The following APLF variants were observed in gnomAD, a reference collection of about 807,000 sequenced individuals.
APLF encodes aprataxin and PNK-like factor.
A neutral mutation model predicts 55.6 loss-of-function variants in APLF; 61 were observed. The observed-to-expected ratio is 1.10, with a 90% CI of 0.89 to 1.36. APLF has a LOEUF of 1.36. APLF is among the 40% of genes most tolerant of loss of function. The probability of loss-of-function intolerance (pLI) is 0.00; values close to 1 mark genes in which losing one functional copy is unlikely to be tolerated. For synonymous variants in APLF, 207 were observed against 214.8 expected (o/e 0.96, Z 0.32); for missense variants, 611 against 602.5 (o/e 1.01, Z -0.15).
chr2:68,497,877 TAAA>T (rs1401769886), intron 2 of APLF, among the ~76,000 whole-genome samples: 1 of 151,958 alleles, frequency 6.6e-6, no homozygotes, highest in Non-Finnish European at 1.5e-5. Flanking sequence ...GAGAAAAAAA[TAAA>T]AAATCCAGTA....
intron 6 of APLF, among the ~76,000 whole-genome samples, chr2:68,530,444 C>G (rs1435522687): frequency 6.6e-6 from 1 of 152,066 alleles, no homozygotes; most frequent in Admixed American, 6.6e-5. Context: ...AGCCTTTCAC[C>G]CCAGATGTTC....
At chr2:68,499,928 G>A (rs1676671362) in intron 2 of APLF, among the ~76,000 whole-genome samples, 1 of 152,114 alleles carries the variant, frequency 6.6e-6, no homozygotes, top group Admixed American at 6.5e-5. Context: ...GTGTTATTAG[G>A]TAATTGTCTC....
At chr2:68,515,913 TTTTG>T (rs895338619) in intron 5 of APLF, among the ~76,000 whole-genome samples, 5 of 151,744 alleles carry the variant, frequency 3.3e-5, no homozygotes, top group Non-Finnish European at 4.4e-5. Flanking sequence ...TAAAAAATTG[TTTTG>T]TTTGTTTAAG....
intron 1 of APLF, among the ~76,000 whole-genome samples, chr2:68,484,964 C>CTG (rs143959201): frequency 0.1 from 15,631 of 150,192 alleles, 2,054 homozygotes; most frequent in African/African-American, 0.31. Flanking sequence ...TGTAATATGC[C>CTG]TGTGTGTGTG....
intron 5 of APLF, among the ~76,000 whole-genome samples, chr2:68,518,413 AT>A (rs1236258593): frequency 9.0e-6 from 1 of 111,556 alleles, no homozygotes; most frequent in Non-Finnish European, 1.6e-5. Context: ...TATATTATAT[AT>A]TATATAATAA....
At chr2:68,521,023 G>C (rs919884228) in intron 5 of APLF, among the ~76,000 whole-genome samples, 11 of 151,782 alleles carry the variant, frequency 7.2e-5, no homozygotes, top group Non-Finnish European at 1.5e-4. Flanking sequence ...TCCTTGTAGA[G>C]GTCTTTTACC....
At chr2:68,563,032 T>A (rs1486815377) in intron 8 of APLF, 3 of 982,672 alleles carry the variant, frequency 3.1e-6, no homozygotes, top group Non-Finnish European at 3.6e-6. Context: ...ATAGATACTC[T>A]TTTCCTTCAT....
intron 5 of APLF, among the ~76,000 whole-genome samples, chr2:68,521,496 C>A (rs1027634470): frequency 6.6e-6 from 1 of 151,720 alleles, no homozygotes; most frequent in Non-Finnish European, 1.5e-5. Flanking sequence ...TTTCTTAGGC[C>A]TGGGCTAAAT....
At chr2:68,495,154 C>G (rs1032498746) in intron 2 of APLF, among the ~76,000 whole-genome samples, 13 of 152,188 alleles carry the variant, frequency 8.5e-5, no homozygotes, top group African/African-American at 2.9e-4. Flanking sequence ...ATCTCATGTC[C>G]TTTTCACATT....
At chr2:68,551,212 A>G (rs1200471977) in intron 8 of APLF, among the ~76,000 whole-genome samples, 1 of 152,022 alleles carries the variant, frequency 6.6e-6, no homozygotes, top group Non-Finnish European at 1.5e-5. Flanking sequence ...TCAGTTGTCT[A>G]TATTATTATT....
chr2:68,559,620 C>G (rs1036128811), intron 8 of APLF, among the ~76,000 whole-genome samples: 2 of 152,138 alleles, frequency 1.3e-5, no homozygotes, highest in Non-Finnish European at 2.9e-5. Context: ...ATCATTCATT[C>G]AGTCTATCAG....
At chr2:68,502,647 G>C in intron 2 of APLF, 84 bp from the exon 3 acceptor site, 1 of 887,096 alleles carries the variant, frequency 1.1e-6, no homozygotes, top group Non-Finnish European at 1.5e-6. Context: ...ATATTTAATT[G>C]TATTTTTGTT....
chr2:68,532,030 G>A (rs114955896), intron 6 of APLF, among the ~76,000 whole-genome samples: 1,855 of 152,196 alleles, frequency 0.012, 46 homozygotes, highest in African/African-American at 0.043. Context: ...GATCCTTTAT[G>A]CAGGGCTCTC....
intron 9 of APLF, among the ~76,000 whole-genome samples, chr2:68,575,781 A>T (rs1244139424): frequency 6.6e-6 from 1 of 152,150 alleles, no homozygotes; most frequent in Non-Finnish European, 1.5e-5. Flanking sequence ...GGGTAAAGCA[A>T]CTAAAGAGTT....
chr2:68,551,603 C>CTTTTTT (rs70954311), intron 8 of APLF, among the ~76,000 whole-genome samples: 3 of 115,750 alleles, frequency 2.6e-5, no homozygotes, highest in Admixed American at 8.7e-5. Context: ...TCTTCTTCTT[C>CTTTTTT]TTTTTTTTTT....
At chr2:68,500,102 T>C (rs1032952757) in intron 2 of APLF, among the ~76,000 whole-genome samples, 14 of 152,242 alleles carry the variant, frequency 9.2e-5, no homozygotes, top group African/African-American at 2.9e-4. Flanking sequence ...TTGTATACTT[T>C]GTAACTTTTT....
intron 6 of APLF, among the ~76,000 whole-genome samples, chr2:68,536,692 G>C (rs1670398828): frequency 6.6e-6 from 1 of 152,156 alleles, no homozygotes; most frequent in Non-Finnish European, 1.5e-5. Context: ...AGCACCTTCA[G>C]TTTGGTTAAA....
At chr2:68,561,302 C>T (rs1243525530) in intron 8 of APLF, among the ~76,000 whole-genome samples, 1 of 152,114 alleles carries the variant, frequency 6.6e-6, no homozygotes, top group Admixed American at 6.6e-5. Context: ...AAAGGAGTTG[C>T]TGTAACTTGT....
At chr2:68,552,604 A>G (rs1254187715) in intron 8 of APLF, among the ~76,000 whole-genome samples, 1 of 152,166 alleles carries the variant, frequency 6.6e-6, no homozygotes, top group African/African-American at 2.4e-5. Flanking sequence ...GTATTCTCCT[A>G]CCATGAGGTC....
Sources: allele counts gnomAD v4.1 joint callset (sites outside exome capture counted in the v4.1 genomes callset), GRCh38; gene constraint gnomAD v4.1.1; transcripts MANE v1.5; gene names NCBI Gene and HGNC (gene_info 2026-07-23, HGNC 2026-07-21).